Variants in HERC2 observed in about 807,000 individuals in gnomAD.
The protein encoded by HERC2 is HECT and RLD domain containing E3 ubiquitin protein ligase 2.
A neutral mutation model predicts 537.7 loss-of-function variants in HERC2; 102 were observed. The observed-to-expected ratio is 0.19, with a 90% CI of 0.16 to 0.22. The LOEUF is 0.22. HERC2 is among the 10% of genes least tolerant of loss of function. The probability of loss-of-function intolerance (pLI) is 1.00; values close to 1 mark genes in which losing one functional copy is unlikely to be tolerated. For missense variants in HERC2, 4,236 were observed against 6,198.2 expected (o/e 0.68, Z 10.63); for synonymous variants, 2,224 against 2,466.2 (o/e 0.90, Z 2.91).
chr15:28,128,044 T>C (rs541796811), intron 83 of HERC2, among the ~76,000 whole-genome samples: 3 of 152,294 alleles, frequency 2.0e-5, no homozygotes, highest in African/African-American at 4.8e-5. Flanking sequence ...GCATGTCACC[T>C]GCAAGGATGA....
intron 4 of HERC2, among the ~76,000 whole-genome samples, chr15:28,292,331 C>T (rs1350926655): frequency 2.6e-5 from 4 of 151,494 alleles, no homozygotes; most frequent in Non-Finnish European, 5.9e-5. Context: ...AGATGCTCAG[C>T]ATGACTACTC....
chr15:28,279,982 A>G, intron 5 of HERC2, 86 bp downstream of exon 5: 1 of 1,021,822 alleles, frequency 9.8e-7, no homozygotes, highest in Non-Finnish European at 1.5e-6. Context: ...GACAGCCTAT[A>G]TTGAAAACCT....
intron 89 of HERC2, chr15:28,115,170 C>A (rs1888082584): frequency 5.8e-6 from 3 of 514,730 alleles, no homozygotes; most frequent in Non-Finnish European, 1.0e-5. Flanking sequence ...CCCCCAGCTG[C>A]CCAAAAGCTC....
intron 70 of HERC2, among the ~76,000 whole-genome samples, chr15:28,148,132 A>G (rs1238969362): frequency 6.6e-6 from 1 of 152,182 alleles, no homozygotes; most frequent in Non-Finnish European, 1.5e-5. Flanking sequence ...AAAACACATC[A>G]ACCCTGAACA....
chr15:28,144,617 C>T, intron 72 of HERC2, 56 bp downstream of exon 72: 1 of 1,612,340 alleles, frequency 6.2e-7, no homozygotes, highest in South Asian at 1.1e-5. Flanking sequence ...CCTGTTGCTC[C>T]AGAAACAATC....
chr15:28,257,145 C>G lies in HERC2; in HGVS notation c.2433G>C (p.Glu811Asp). 1 of 1,613,876 alleles carries G rather than the reference C, an allele frequency of 6.2e-7. No homozygotes were observed. The highest frequency in any genetic ancestry group is 8.5e-7 in the Non-Finnish European group (1 of 1,179,792). ...GCCAGTCCGCGGAACCATCCATCCC[C>G]TCACTCACCTGCCGAAGCAGGAGAT... ...QLDLLLRQVSEGMDGSADWPP... is the reference protein window; with the variant it reads ...QLDLLLRQVSDGMDGSADWPP... The change falls in exon 17 of 93, where the codon GAG becomes GAC. Residue 811 changes from glutamate to aspartate, a missense_variant. Coordinates refer to ENST00000261609, the MANE Select transcript of HERC2 (RefSeq NM_004667.6).
In HERC2 at chr15:28,183,972, G is replaced by T. The variant is rs532412076; in HGVS notation, c.8826-1460C>A. ...GGAGGCCAAGGTGGGCAGATTCCTT[G>T]AGCCCAGGAGTTGGAGACCAGCCTG... On this transcript the variant is annotated intron_variant, in intron 56 of 92. Coordinates refer to ENST00000261609, the MANE Select transcript of HERC2 (RefSeq NM_004667.6). Among the ~76,000 whole-genome samples the T allele has an allele frequency of 4.9e-4, 75 of 152,180 alleles. No individual in the cohort carries two copies. In the East Asian group the frequency reaches 9.7e-3, roughly 20 times the overall value.
intron 23 of HERC2, among the ~76,000 whole-genome samples, chr15:28,244,001 C>T (rs1903404424): frequency 6.6e-6 from 1 of 152,142 alleles, no homozygotes; most frequent in African/African-American, 2.4e-5. Context: ...CAGAGGGAGA[C>T]CGTGTCTCTA....
chr15:28,261,266 G>A (rs2075408446), intron 15 of HERC2, among the ~76,000 whole-genome samples: 2 of 151,498 alleles, frequency 1.3e-5, no homozygotes, highest in South Asian at 2.1e-4. Flanking sequence ...AAAGAAACAA[G>A]GTGCTTTTAA....
chr15:28,161,712 G>A (rs1164403718), intron 69 of HERC2, among the ~76,000 whole-genome samples: 1 of 152,188 alleles, frequency 6.6e-6, no homozygotes, highest in Non-Finnish European at 1.5e-5. Flanking sequence ...GATGGCTCCG[G>A]TCCAGAACAT....
intron 4 of HERC2, among the ~76,000 whole-genome samples, chr15:28,280,644 C>A (rs2075998014): frequency 6.6e-6 from 1 of 152,174 alleles, no homozygotes; most frequent in South Asian, 2.1e-4. Flanking sequence ...GTGGCTCACA[C>A]CTGGAATCCC....
chr15:28,115,053 G>A (rs114998715), intron 89 of HERC2, among the ~76,000 whole-genome samples: 21 of 151,846 alleles, frequency 1.4e-4, no homozygotes, highest in African/African-American at 5.1e-4. Flanking sequence ...TACAGCAACT[G>A]GCTAGCAAGG....
intron 48 of HERC2, among the ~76,000 whole-genome samples, chr15:28,199,322 G>A (rs998827139): frequency 1.3e-5 from 2 of 152,054 alleles, no homozygotes; most frequent in African/African-American, 4.8e-5. Context: ...AAGATTACTG[G>A]GTTCACTCAA....
intron 3 of HERC2, among the ~76,000 whole-genome samples, chr15:28,295,336 T>TGGG (rs1182536800): frequency 8.8e-5 from 1 of 11,424 alleles, no homozygotes; most frequent in Non-Finnish European, 1.8e-4. Flanking sequence ...GGGGAGGCGG[T>TGGG]GGGGGGGTCA....
intron 20 of HERC2, among the ~76,000 whole-genome samples, chr15:28,250,681 G>A (rs2075046976): frequency 6.6e-6 from 1 of 152,160 alleles, no homozygotes; most frequent in Admixed American, 6.5e-5. Context: ...AAAAGGACAT[G>A]AAATGTCTCC....
intron 64 of HERC2, among the ~76,000 whole-genome samples, chr15:28,175,116 A>C (rs935685750): frequency 6.6e-6 from 1 of 151,962 alleles, no homozygotes; most frequent in Non-Finnish European, 1.5e-5. Flanking sequence ...TGCTTCTCCA[A>C]GCAGAAGAGA....
chr15:28,172,360 A>C (rs1364212594), intron 65 of HERC2, among the ~76,000 whole-genome samples: 15 of 152,312 alleles, frequency 9.8e-5, no homozygotes, highest in Non-Finnish European at 2.1e-4. Context: ...AACTCTTGCA[A>C]CCTGAGTTCA....
chr15:28,198,326 A>G (rs1897549199), intron 50 of HERC2, 52 bp downstream of exon 50: 4 of 1,573,662 alleles, frequency 2.5e-6, no homozygotes, highest in Middle Eastern at 2.3e-4. Context: ...CTAAGTACAC[A>G]TGCGTTAATG....
chr15:28,163,011 C>T (rs1893771236), intron 69 of HERC2, 83 bp downstream of exon 69: 2 of 1,167,108 alleles, frequency 1.7e-6, no homozygotes, highest in Non-Finnish European at 1.2e-6. Context: ...CACCGGTGAT[C>T]CATAGCAGCT....
Sources: allele counts gnomAD v4.1 joint callset (sites outside exome capture counted in the v4.1 genomes callset), GRCh38; gene constraint gnomAD v4.1.1; transcripts MANE v1.5; gene names NCBI Gene and HGNC (gene_info 2026-07-23, HGNC 2026-07-21).